Variants in PTPRG observed in about 807,000 individuals in gnomAD.
The protein encoded by PTPRG is protein tyrosine phosphatase receptor type G.
In PTPRG, 102 loss-of-function variants were observed where a neutral mutation model predicts 165.3. The observed-to-expected ratio is 0.62, with a 90% CI of 0.53 to 0.73. The LOEUF (loss-of-function observed/expected upper bound fraction) is 0.73. Ranked by LOEUF, PTPRG falls within the 30% of genes least tolerant of loss-of-function variation. The probability of loss-of-function intolerance (pLI) is 0.00; values close to 1 mark genes in which losing one functional copy is unlikely to be tolerated. For missense variants in PTPRG, 1,866 were observed against 1,861.4 expected (o/e 1.00, Z -0.05); for synonymous variants, 675 against 669.5 (o/e 1.01, Z -0.13).
chr3:62,077,874 T>G (rs1270314863), intron 4 of PTPRG, among the ~76,000 whole-genome samples: 2 of 152,006 alleles, frequency 1.3e-5, no homozygotes, highest in Non-Finnish European at 2.9e-5. Context: ...TGATGGCAGT[T>G]GCCTGTAATC....
chr3:61,721,335 T>G (rs531237120), intron 1 of PTPRG, among the ~76,000 whole-genome samples: 20 of 152,338 alleles, frequency 1.3e-4, no homozygotes, highest in Non-Finnish European at 2.5e-4. Context: ...AAGGATACAG[T>G]GGCTTCCTAG....
intron 2 of PTPRG, among the ~76,000 whole-genome samples, chr3:61,876,294 A>G (rs2037737673): frequency 6.6e-6 from 1 of 152,224 alleles, no homozygotes; most frequent in African/African-American, 2.4e-5. Context: ...AGGGCTAAGG[A>G]GAAATAACAG....
intron 1 of PTPRG, among the ~76,000 whole-genome samples, chr3:61,702,147 G>C (rs1313874826): frequency 6.6e-6 from 1 of 151,840 alleles, no homozygotes; most frequent in South Asian, 2.1e-4. Flanking sequence ...CCTGGATAAT[G>C]TTTGTATTTT....
chr3:61,997,597 C>T (rs187820610), intron 3 of PTPRG, among the ~76,000 whole-genome samples: 5 of 152,230 alleles, frequency 3.3e-5, no homozygotes, highest in African/African-American at 1.2e-4. Flanking sequence ...ATCTGGGGTT[C>T]GATGCTCAGG....
At chr3:62,126,208 A>G (rs1703285258) in intron 5 of PTPRG, among the ~76,000 whole-genome samples, 1 of 152,228 alleles carries the variant, frequency 6.6e-6, no homozygotes, top group East Asian at 1.9e-4. Context: ...GCCAAGTCTG[A>G]CAATGAGATG....
intron 5 of PTPRG, among the ~76,000 whole-genome samples, chr3:62,110,465 A>C (rs943561866): frequency 6.6e-6 from 1 of 152,116 alleles, no homozygotes; most frequent in African/African-American, 2.4e-5. Context: ...TGCTTCCATA[A>C]TATGAAGGCA....
chr3:61,935,691 CTT>C lies in PTPRG; in HGVS notation c.191-53922_191-53921del, dbSNP rs58158573. ...TATTCTTATTCTCGGAGTCCCTTACCTTTTTTTTTTTTTAATGTTGTAATTTC... is the reference window on the plus strand; with the variant it reads ...TATTCTTATTCTCGGAGTCCCTTACCTTTTTTTTTTTAATGTTGTAATTTC... On this transcript the variant is annotated intron_variant, in intron 2 of 29. Transcript: ENST00000474889. Among the ~76,000 whole-genome samples, 638 of 139,114 alleles carry C rather than the reference CTT, an allele frequency of 4.6e-3. 9 individuals are homozygous for C. The highest frequency in any genetic ancestry group is 0.016 in the African/African-American group (604 of 38,232). 91.3% of individuals were successfully genotyped at this position (139,114 alleles called of 152,430 possible).
chr3:62,124,388 T>G (rs1576032349), intron 5 of PTPRG: 2 of 1,613,570 alleles, frequency 1.2e-6, no homozygotes, highest in East Asian at 4.5e-5. Flanking sequence ...GATCTGCAGG[T>G]CCAAGATGTA....
chr3:62,271,515 G>C lies in PTPRG; in HGVS notation c.3142G>C (p.Ala1048Pro). 1 of 1,613,866 alleles carries C rather than the reference G, an allele frequency of 6.2e-7. No individual in the cohort carries two copies. Among genetic ancestry groups the C allele is most frequent in the Non-Finnish European group, 8.5e-7 (1 of 1,179,802 alleles). The change falls in exon 21 of 30, where the codon GCT becomes CCT. Residue 1048 changes from alanine to proline, a missense_variant. Physicochemically the swap from Ala to Pro is conservative, Grantham distance 27. Coordinates refer to ENST00000474889, the MANE Select transcript of PTPRG (RefSeq NM_002841.4). This position sits in a 1 kb window ranked among gnomAD's most constrained non-coding sequence, Gnocchi z 4.1. The stretch of plus-strand genomic sequence containing the variant: ...GACTTTCGTGAGGAGATCCTCAGCA[G>C]CTCGGATGCCAGAAACGGGCCCTGT... ...VLTFVRRSSA[A>P]RMPETGPVLV...
intron 1 of PTPRG, among the ~76,000 whole-genome samples, chr3:61,673,156 T>C (rs2107082016): frequency 6.7e-6 from 1 of 149,920 alleles, no homozygotes; most frequent in South Asian, 2.1e-4. Flanking sequence ...AGCGATACTC[T>C]GTCTCAAAAT....
chr3:62,170,225 G>A lies in PTPRG; in HGVS notation c.1033+2062G>A, dbSNP rs141054600. On this transcript the variant is annotated intron_variant, in intron 8 of 29. Transcript: ENST00000474889. ...TGGGCTGCCGTGGAAAACCTCACAT[G>A]AACTAATTTTTTTTTTAACCTAGTT... Among the ~76,000 whole-genome samples the A allele has an allele frequency of 3.0e-3, 450 of 151,924 alleles. 1 individual carries two copies. The Middle Eastern group carries it at 0.065, about 22-fold the overall frequency.
At chr3:61,912,231 G>T (rs1347290605) in intron 2 of PTPRG, among the ~76,000 whole-genome samples, 1 of 151,964 alleles carries the variant, frequency 6.6e-6, no homozygotes, top group Non-Finnish European at 1.5e-5. Context: ...TAATTTCCAT[G>T]GGAATGTAGT....
rs150540127 is a variant in PTPRG at position 61,729,231 on chromosome 3, C to G, written c.86-19647C>G. The stretch of plus-strand genomic sequence containing the variant: ...AGTGGTGAAGGGGAGAACATTTGCA[C>G]TAAGTGAAGATGGCCCACAACTGTG... On this transcript the variant is annotated intron_variant, in intron 1 of 29. Coordinates refer to ENST00000474889, the MANE Select transcript of PTPRG (RefSeq NM_002841.4). Among the ~76,000 whole-genome samples, 23 of 152,208 alleles carry G rather than the reference C, an allele frequency of 1.5e-4. No individual in the cohort carries two copies. In the East Asian group the frequency reaches 4.2e-3, roughly 28 times the overall value.
intron 2 of PTPRG, among the ~76,000 whole-genome samples, chr3:61,939,231 C>G (rs2039553165): frequency 6.6e-6 from 1 of 152,162 alleles, no homozygotes; most frequent in Admixed American, 6.5e-5. Flanking sequence ...GAAAGCAGCC[C>G]TATATTTACT....
intron 21 of PTPRG, among the ~76,000 whole-genome samples, chr3:62,272,644 T>A (rs1702103787): frequency 6.6e-6 from 1 of 152,108 alleles, no homozygotes; most frequent in Admixed American, 6.6e-5. Flanking sequence ...AGGAGTTCGA[T>A]ACCAGTCTGG....
At chr3:61,768,798 G>A (rs1323977962) in intron 2 of PTPRG, among the ~76,000 whole-genome samples, 1 of 151,978 alleles carries the variant, frequency 6.6e-6, no homozygotes, top group Admixed American at 6.6e-5. Flanking sequence ...GGGAAGAGGG[G>A]TATGGGGGAG....
chr3:61,647,478 G>C (rs1702229904), intron 1 of PTPRG, among the ~76,000 whole-genome samples: 1 of 152,150 alleles, frequency 6.6e-6, no homozygotes, highest in South Asian at 2.1e-4. Context: ...TAATTGTTCA[G>C]GTTCATCCAG....
At chr3:61,570,916 A>C (rs575517265) in intron 1 of PTPRG, among the ~76,000 whole-genome samples, 45 of 152,284 alleles carry the variant, frequency 3.0e-4, no homozygotes, top group Middle Eastern at 3.4e-3. Context: ...GTTACCCAAC[A>C]TCTTACGGAA....
chr3:62,109,495 T>G (rs1373906162), intron 5 of PTPRG, among the ~76,000 whole-genome samples: 1 of 152,198 alleles, frequency 6.6e-6, no homozygotes, highest in Non-Finnish European at 1.5e-5. Context: ...TCCAGCTTTG[T>G]TCTTCTTGCC....
Sources: gnomAD v4.1 joint callset for allele counts (sites outside exome capture counted in the v4.1 genomes callset) on GRCh38, gnomAD v4.1.1 for gene constraint, Gnocchi (gnomAD v3.1) non-coding constraint, MANE v1.5 for transcripts, NCBI Gene and HGNC (gene_info 2026-07-23, HGNC 2026-07-21) for gene names.